C1QTNF3: variants seen among roughly 807,000 people sequenced by gnomAD.
C1QTNF3 encodes the protein C1q and TNF related 3.
A neutral mutation model predicts 32.6 loss-of-function variants in C1QTNF3; 26 were observed. The observed-to-expected ratio is 0.80, with a 90% CI of 0.58 to 1.11. The LOEUF is 1.11. Ranked by LOEUF, C1QTNF3 falls within the 50% of genes least tolerant of loss-of-function variation. The pLI is 0.00. For synonymous variants in C1QTNF3, 155 were observed against 146.0 expected (o/e 1.06, Z -0.44); for missense variants, 362 against 398.2 (o/e 0.91, Z 0.77).
At chr5:34,083,979 A>G in the C1QTNF3 span, among the ~76,000 whole-genome samples, 1 of 151,780 alleles carries the variant, frequency 6.6e-6, no homozygotes, top group Non-Finnish European at 1.5e-5. Flanking sequence ...GCAGTGTTGC[A>G]TGGAATGTAT....
At chr5:34,147,692 A>C in the C1QTNF3 span, among the ~76,000 whole-genome samples, 3 of 152,248 alleles carry the variant, frequency 2.0e-5, no homozygotes, top group East Asian at 5.8e-4. Context: ...AGTGGTGTGA[A>C]TTGAAAAACT....
At chr5:34,044,416 G>A (rs980496589), upstream of C1QTNF3, among the ~76,000 whole-genome samples, 5 of 152,186 alleles carry the variant, frequency 3.3e-5, no homozygotes, top group Admixed American at 3.3e-4. Flanking sequence ...TGAGAAGGGG[G>A]CGAGGAGGCA....
chr5:34,202,138 G>C, the C1QTNF3 span, among the ~76,000 whole-genome samples: 3 of 152,202 alleles, frequency 2.0e-5, no homozygotes, highest in Non-Finnish European at 2.9e-5. Flanking sequence ...CATTCATAAA[G>C]CTAGCTCAAG....
the C1QTNF3 span, among the ~76,000 whole-genome samples, chr5:34,146,293 G>T: frequency 6.6e-6 from 1 of 152,186 alleles, no homozygotes; most frequent in African/African-American, 2.4e-5. Flanking sequence ...GCAATTTAAA[G>T]ATTCGGCACT....
the C1QTNF3 span, among the ~76,000 whole-genome samples, chr5:34,069,285 GA>G: frequency 3.4e-5 from 5 of 149,014 alleles, no homozygotes; most frequent in African/African-American, 1.2e-4. Context: ...TAGAGATATT[GA>G]ATTCTTACTT....
chr5:34,141,437 G>C, the C1QTNF3 span, among the ~76,000 whole-genome samples: 1 of 152,128 alleles, frequency 6.6e-6, no homozygotes, highest in African/African-American at 2.4e-5. Context: ...CTCCTTCTAA[G>C]GGCTGTGAGG....
the C1QTNF3 span, among the ~76,000 whole-genome samples, chr5:34,215,494 T>C: frequency 6.6e-6 from 1 of 152,222 alleles, no homozygotes; most frequent in African/African-American, 2.4e-5. Flanking sequence ...GGTGGCTTCT[T>C]TAACCCACAC....
At chr5:34,118,342 G>T in the C1QTNF3 span, among the ~76,000 whole-genome samples, 1 of 152,152 alleles carries the variant, frequency 6.6e-6, no homozygotes, top group Non-Finnish European at 1.5e-5. Context: ...GCCTCCCAAA[G>T]TGCTGGGATT....
At chr5:34,047,397 G>A (rs1264893351), upstream of C1QTNF3, among the ~76,000 whole-genome samples, 1 of 152,246 alleles carries the variant, frequency 6.6e-6, no homozygotes, top group African/African-American at 2.4e-5. Context: ...GCCGTTATAA[G>A]ATGTGTAGGT....
intron 1 of C1QTNF3, 46 bp downstream of exon 1, chr5:34,042,777 A>C (rs1337194773): frequency 4.6e-6 from 7 of 1,529,766 alleles, no homozygotes; most frequent in East Asian, 4.5e-5. Context: ...CAACAACAAC[A>C]CTCATTAAGC....
intron 3 of C1QTNF3, 163 bp from the exon 4 acceptor site, chr5:34,029,046 A>G: frequency 1.9e-6 from 1 of 521,086 alleles, no homozygotes; most frequent in Non-Finnish European, 3.3e-6. Context: ...CAACATTTGA[A>G]TGCTATGCAG....
the C1QTNF3 span, among the ~76,000 whole-genome samples, chr5:34,212,249 T>C: frequency 6.6e-6 from 1 of 151,730 alleles, no homozygotes; most frequent in African/African-American, 2.4e-5. Flanking sequence ...ATACAAAAAT[T>C]AATTCAAGAT....
chr5:34,173,563 T>C, the C1QTNF3 span, among the ~76,000 whole-genome samples: 1 of 126,304 alleles, frequency 7.9e-6, no homozygotes, highest in African/African-American at 3.0e-5. Context: ...TTGTTTTATT[T>C]TATCTATATC....
chr5:34,198,177 C>T, the C1QTNF3 span, among the ~76,000 whole-genome samples: 1 of 144,646 alleles, frequency 6.9e-6, no homozygotes, highest in Non-Finnish European at 1.5e-5. Flanking sequence ...AGGAGGCAGA[C>T]GTTGCAGTGA....
the C1QTNF3 span, among the ~76,000 whole-genome samples, chr5:34,185,367 AT>A: frequency 1.9e-4 from 29 of 150,914 alleles, no homozygotes; most frequent in African/African-American, 6.9e-4. Context: ...CTCAAAAAAA[AT>A]AATAATAATT....
At chr5:34,095,985 A>G in the C1QTNF3 span, among the ~76,000 whole-genome samples, 1 of 151,962 alleles carries the variant, frequency 6.6e-6, no homozygotes, top group Non-Finnish European at 1.5e-5. Flanking sequence ...AAAGAGCCAC[A>G]AAGTCCAGCT....
At chr5:34,136,010 G>C in the C1QTNF3 span, among the ~76,000 whole-genome samples, 1 of 151,950 alleles carries the variant, frequency 6.6e-6, no homozygotes, top group Non-Finnish European at 1.5e-5. Context: ...AGACTTAAAT[G>C]TTAGACCTAA....
chr5:34,134,446 G>A, the C1QTNF3 span, among the ~76,000 whole-genome samples: 1 of 152,058 alleles, frequency 6.6e-6, no homozygotes, highest in Non-Finnish European at 1.5e-5. Context: ...CTACACCAAC[G>A]TTCTGTTAAA....
chr5:34,081,706 C>T, the C1QTNF3 span, among the ~76,000 whole-genome samples: 5 of 151,038 alleles, frequency 3.3e-5, no homozygotes, highest in African/African-American at 7.4e-5. Context: ...TTTTATGAGC[C>T]TAACTTTCTC....
Sources: gnomAD v4.1 joint callset for allele counts (sites outside exome capture counted in the v4.1 genomes callset) on GRCh38, gnomAD v4.1.1 for gene constraint, MANE v1.5 for transcripts, NCBI Gene and HGNC (gene_info 2026-07-23, HGNC 2026-07-21) for gene names.